The following CSMD1 variants were observed in gnomAD, a reference collection of about 807,000 sequenced individuals.
CSMD1 encodes CUB and Sushi multiple domains 1.
Under a neutral mutation model 417.5 loss-of-function variants are expected in CSMD1, and 213 were observed. The ratio of observed to expected loss-of-function variants is 0.51; its 90% CI spans 0.46 to 0.57. The LOEUF is 0.57. CSMD1 is among the 20% of genes least tolerant of loss of function. The pLI is 0.00. For synonymous variants in CSMD1, 2,862 were observed against 1,736.8 expected (o/e 1.65, Z -16.11); for missense variants, 6,923 against 4,529.7 (o/e 1.53, Z -15.17).
chr8:4,257,169 T>G (rs1803518238), intron 3 of CSMD1, among the ~76,000 whole-genome samples: 1 of 149,110 alleles, frequency 6.7e-6, no homozygotes, highest in African/African-American at 2.5e-5. Context: ...AGTTTGACCT[T>G]GAGTTATAAA....
intron 10 of CSMD1, among the ~76,000 whole-genome samples, chr8:3,544,575 C>G (rs1445376005): frequency 6.6e-6 from 1 of 152,076 alleles, no homozygotes; most frequent in Non-Finnish European, 1.5e-5. Flanking sequence ...AGAACCCTCT[C>G]TTAGGGTCTG....
intron 25 of CSMD1, among the ~76,000 whole-genome samples, chr8:3,307,440 G>T (rs1804961964): frequency 6.6e-6 from 1 of 152,084 alleles, no homozygotes; most frequent in Non-Finnish European, 1.5e-5. Flanking sequence ...ACTAAATTTG[G>T]GGGATAGTTT....
chr8:4,085,524 A>G (rs1020537347), intron 3 of CSMD1, among the ~76,000 whole-genome samples: 4 of 152,138 alleles, frequency 2.6e-5, no homozygotes, highest in East Asian at 1.9e-4. Flanking sequence ...ATTTTATCCT[A>G]TCCGTTCTTT....
In CSMD1 at chr8:3,786,430, G is replaced by A. The variant is rs576046021; in HGVS notation, c.819-32388C>T. Among the ~76,000 whole-genome samples the A allele has an allele frequency of 6.6e-5, 10 of 152,240 alleles. No individual in the cohort carries two copies. The South Asian group carries it at 1.9e-3, about 28-fold the overall frequency. On this transcript the variant is annotated intron_variant, in intron 5 of 69. Transcript: ENST00000635120. ...AGAGTTTGGGGGACCACAAAAGTAC[G>A]AGAGAAAGCATCTGTAAAGCCATAA...
intron 4 of CSMD1, among the ~76,000 whole-genome samples, chr8:4,010,730 C>A (rs758236104): frequency 2.0e-5 from 3 of 152,164 alleles, no homozygotes; most frequent in Non-Finnish European, 2.9e-5. Flanking sequence ...GTCCTCATCT[C>A]TTGTCTTACC....
intron 5 of CSMD1, among the ~76,000 whole-genome samples, chr8:3,827,430 C>G (rs1046853507): frequency 4.6e-5 from 7 of 152,192 alleles, no homozygotes; most frequent in African/African-American, 1.7e-4. Context: ...ATAAACACAT[C>G]TTATTAAGCA....
intron 2 of CSMD1, among the ~76,000 whole-genome samples, chr8:4,439,613 A>C (rs1339186009): frequency 1.3e-5 from 2 of 152,120 alleles, no homozygotes; most frequent in Non-Finnish European, 2.9e-5. Context: ...TATTTGTTTT[A>C]AGGTAAAGTA....
intron 5 of CSMD1, among the ~76,000 whole-genome samples, chr8:3,758,498 G>T (rs1007698427): frequency 6.6e-5 from 10 of 152,140 alleles, no homozygotes; most frequent in Non-Finnish European, 1.3e-4. Flanking sequence ...TTATTCTATC[G>T]CTGTCTACAG....
chr8:3,619,027 G>C (rs1218218156), intron 7 of CSMD1, among the ~76,000 whole-genome samples: 2 of 152,154 alleles, frequency 1.3e-5, no homozygotes, highest in Non-Finnish European at 2.9e-5. Flanking sequence ...GCTGTGACAA[G>C]CACTGCTGTA....
intron 1 of CSMD1, among the ~76,000 whole-genome samples, chr8:4,969,621 G>C (rs915855443): frequency 6.6e-6 from 1 of 151,804 alleles, no homozygotes; most frequent in Non-Finnish European, 1.5e-5. Flanking sequence ...TACACATAGG[G>C]CTGTGCTTTT....
intron 3 of CSMD1, among the ~76,000 whole-genome samples, chr8:4,416,848 G>T (rs1796969249): frequency 6.6e-6 from 1 of 151,964 alleles, no homozygotes; most frequent in Non-Finnish European, 1.5e-5. Context: ...TTTGATAAAA[G>T]AAGAAACATT....
intron 4 of CSMD1, among the ~76,000 whole-genome samples, chr8:4,004,844 A>G (rs1232705593): frequency 1.3e-5 from 2 of 152,042 alleles, no homozygotes; most frequent in African/African-American, 2.4e-5. Flanking sequence ...TCCCGGGTTC[A>G]CGCCATTCTC....
chr8:3,626,260 C>G (rs1435408608), intron 7 of CSMD1, among the ~76,000 whole-genome samples: 1 of 152,178 alleles, frequency 6.6e-6, no homozygotes, highest in Non-Finnish European at 1.5e-5. Flanking sequence ...CATTTCTGCT[C>G]TAGTCTCCTT....
At chr8:4,990,171 C>A (rs1811386473) in intron 1 of CSMD1, among the ~76,000 whole-genome samples, 1 of 152,172 alleles carries the variant, frequency 6.6e-6, no homozygotes, top group Non-Finnish European at 1.5e-5. Flanking sequence ...TTCAAGTTTA[C>A]AAAACCTGTC....
At chr8:4,817,630 T>C (rs1799281595) in intron 1 of CSMD1, among the ~76,000 whole-genome samples, 1 of 152,222 alleles carries the variant, frequency 6.6e-6, no homozygotes, top group Admixed American at 6.5e-5. Context: ...AAGGAAACAA[T>C]TTAATAACAT....
intron 4 of CSMD1, among the ~76,000 whole-genome samples, chr8:4,004,776 A>C (rs766577606): frequency 6.6e-6 from 1 of 151,824 alleles, no homozygotes; most frequent in Non-Finnish European, 1.5e-5. Flanking sequence ...ATGGCGTCTC[A>C]CTCTGTTGCC....
intron 5 of CSMD1, among the ~76,000 whole-genome samples, chr8:3,769,788 T>G (rs2623641): frequency 0.16 from 24,645 of 152,196 alleles, 2,323 homozygotes; most frequent in African/African-American, 0.26. Flanking sequence ...CTCATAAGTT[T>G]TATAGCACAT....
intron 46 of CSMD1, among the ~76,000 whole-genome samples, chr8:3,104,790 C>G (rs951988610): frequency 2.7e-4 from 41 of 151,780 alleles, no homozygotes; most frequent in African/African-American, 9.4e-4. Context: ...TCACTGCAAC[C>G]TCCACCTCCT....
intron 6 of CSMD1, among the ~76,000 whole-genome samples, chr8:3,751,335 T>C (rs1446811037): frequency 2.0e-5 from 3 of 149,678 alleles, no homozygotes; most frequent in African/African-American, 7.3e-5. Flanking sequence ...TGTATATATA[T>C]ATATATACAC....
Sources: allele counts gnomAD v4.1 joint callset (sites outside exome capture counted in the v4.1 genomes callset), GRCh38; gene constraint gnomAD v4.1.1; transcripts MANE v1.5; gene names NCBI Gene and HGNC (gene_info 2026-07-23, HGNC 2026-07-21).